Variants in TMEM67 observed in about 807,000 individuals in gnomAD.
TMEM67 encodes the protein transmembrane protein 67.
A neutral mutation model predicts 136.6 loss-of-function variants in TMEM67; 124 were observed. That is an observed-to-expected ratio of 0.91 (90% CI 0.78 to 1.05). The LOEUF (loss-of-function observed/expected upper bound fraction) is 1.05. Among genes scored for constraint, TMEM67 ranks in the 50% least tolerant of loss-of-function variants. TMEM67 has a pLI of 0.00. For missense variants in TMEM67, 1,107 were observed against 1,178.4 expected, an observed-to-expected ratio of 0.94 and a Z score of 0.89; for synonymous variants, 364 against 390.5, an observed-to-expected ratio of 0.93 and a Z score of 0.80.
chr8:93,765,719 T>C (rs1813055420), intron 6 of TMEM67, 73 bp downstream of exon 6: 1 of 975,342 alleles, frequency 1.0e-6, no homozygotes, highest in African/African-American at 1.6e-5. Flanking sequence ...AATTTCAGGC[T>C]AGAATGAGAA....
chr8:93,803,487 T>C, intron 21 of TMEM67, 117 bp from the exon 22 acceptor site: 1 of 656,994 alleles, frequency 1.5e-6, no homozygotes, highest in Non-Finnish European at 2.8e-6. Flanking sequence ...ATAGGAACTG[T>C]TAAAGGCCAC....
chr8:93,814,202 C>A (rs901001155), intron 26 of TMEM67, among the ~76,000 whole-genome samples: 1 of 143,494 alleles, frequency 7.0e-6, no homozygotes, highest in Non-Finnish European at 1.5e-5. Context: ...TGCAGTGGCA[C>A]GATCTCGGCT....
At chr8:93,831,081 G>A in the TMEM67 span, among the ~76,000 whole-genome samples, 14 of 152,246 alleles carry the variant, frequency 9.2e-5, 1 homozygote, top group South Asian at 2.3e-3. Context: ...TCACATGTTC[G>A]GTGCTCCCAC....
At chr8:93,821,409 G>A (rs1303096147), downstream of TMEM67, among the ~76,000 whole-genome samples, 1 of 152,156 alleles carries the variant, frequency 6.6e-6, no homozygotes, top group Non-Finnish European at 1.5e-5. Flanking sequence ...AGCCTCCAGA[G>A]TAGTTGGGAT....
the TMEM67 span, among the ~76,000 whole-genome samples, chr8:93,827,501 G>A: frequency 1.3e-5 from 2 of 151,898 alleles, no homozygotes; most frequent in Admixed American, 6.6e-5. Context: ...GGTGGCAAGC[G>A]ATCCTCCTGC....
At chr8:93,825,536 T>C in the TMEM67 span, among the ~76,000 whole-genome samples, 1 of 152,188 alleles carries the variant, frequency 6.6e-6, no homozygotes, top group Admixed American at 6.5e-5. Flanking sequence ...CGGTGAAGGA[T>C]GCTGAGATGC....
chr8:93,793,877 T>C (rs1331742676), intron 16 of TMEM67, among the ~76,000 whole-genome samples: 1 of 152,076 alleles, frequency 6.6e-6, no homozygotes, highest in Non-Finnish European at 1.5e-5. Flanking sequence ...GTTTTTGTTT[T>C]CATTTTTGTT....
At chr8:93,824,696 A>G in the TMEM67 span, among the ~76,000 whole-genome samples, 1 of 151,880 alleles carries the variant, frequency 6.6e-6, no homozygotes, top group African/African-American at 2.4e-5. Context: ...TCCCACCTCT[A>G]TGAGTCTCTT....
chr8:93,785,436 C>T (rs1425270438), intron 12 of TMEM67, 58 bp downstream of exon 12: 6 of 1,520,634 alleles, frequency 3.9e-6, no homozygotes, highest in Non-Finnish European at 5.5e-6. Context: ...AATAAGTTAA[C>T]CTACATGATA....
At chr8:93,805,799 G>C (rs1260858217) in intron 23 of TMEM67, among the ~76,000 whole-genome samples, 1 of 152,182 alleles carries the variant, frequency 6.6e-6, no homozygotes, top group Non-Finnish European at 1.5e-5. Flanking sequence ...ATTGATGAAT[G>C]TAAGCTGCCA....
chr8:93,782,179 G>A (rs931212012), intron 10 of TMEM67, among the ~76,000 whole-genome samples: 9 of 152,204 alleles, frequency 5.9e-5, no homozygotes, highest in African/African-American at 2.2e-4. Context: ...CTCCCAAAGC[G>A]CTGGGATTGC....
At chr8:93,792,560 C>A (rs1473100897) in intron 15 of TMEM67, among the ~76,000 whole-genome samples, 1 of 152,098 alleles carries the variant, frequency 6.6e-6, no homozygotes, top group African/African-American at 2.4e-5. Context: ...TTTTCTGTTT[C>A]CCTAATTACT....
chr8:93,798,687 C>A (rs1225546465), intron 20 of TMEM67, among the ~76,000 whole-genome samples: 1 of 152,102 alleles, frequency 6.6e-6, no homozygotes, highest in Non-Finnish European at 1.5e-5. Flanking sequence ...TCTTTCCATT[C>A]TCTTTCCCCT....
At chr8:93,781,006 A>G (rs764606753) in intron 9 of TMEM67, 24 bp downstream of exon 9, 5 of 1,333,782 alleles carry the variant, frequency 3.7e-6, no homozygotes, top group African/African-American at 2.9e-5. Context: ...ATATCATTAG[A>G]GGATAACTAC....
intron 3 of TMEM67, chr8:93,758,952 T>C (rs1812699252): frequency 6.2e-6 from 1 of 160,432 alleles, no homozygotes; most frequent in African/African-American, 2.4e-5. Flanking sequence ...ACTTAAAACA[T>C]CAGCAGGCAT....
rs372069168 is a variant in TMEM67 at position 93,780,055 on chromosome 8, T to G, written c.715-538T>G. 4.6e-5 allele frequency among the ~76,000 whole-genome samples: 7 copies of G among 152,128 alleles called. No individual in the cohort carries two copies. The East Asian group carries it at 5.8e-4, about 13-fold the overall frequency. ...CCAGTTGGAGCTTCCCCGGCTGCTTTGTTTTCCTACTCAAGCCTCAGCAAT... is the reference window on the plus strand; with the variant it reads ...CCAGTTGGAGCTTCCCCGGCTGCTTGGTTTTCCTACTCAAGCCTCAGCAAT... On this transcript the variant is annotated intron_variant, in intron 7 of 27. Coordinates refer to ENST00000453321, the MANE Select transcript of TMEM67 (RefSeq NM_153704.6).
chr8:93,786,218 A>T lies in TMEM67; in HGVS notation c.1289-5A>T, dbSNP rs1586051047. 6.2e-7 allele frequency: 1 copy of T among 1,613,414 alleles called. No homozygotes were observed. The highest frequency in any genetic ancestry group is 2.2e-5 in the East Asian group (1 of 44,856). On this transcript the variant is annotated splice_region_variant and splice_polypyrimidine_tract_variant and intron_variant, in intron 12 of 27. Transcript: ENST00000453321. ...CAGTAAACTTTTTTCTTTTTATAAT[A>T]AAAGACAGCAACTCTGGAAAGTGGC...
At chr8:93,823,397 G>A (rs114326433), downstream of TMEM67, among the ~76,000 whole-genome samples, 892 of 152,112 alleles carry the variant, frequency 5.9e-3, 7 homozygotes, top group African/African-American at 0.02. Context: ...TGGGGATTAG[G>A]ACCTGGATTT....
chr8:93,801,530 A>G (rs1038005873), intron 21 of TMEM67, among the ~76,000 whole-genome samples: 1 of 151,482 alleles, frequency 6.6e-6, no homozygotes, highest in Non-Finnish European at 1.5e-5. Context: ...GCCTCCCAAG[A>G]AGCTGGGATT....
Sources: gnomAD v4.1 joint callset for allele counts (sites outside exome capture counted in the v4.1 genomes callset) on GRCh38, gnomAD v4.1.1 for gene constraint, MANE v1.5 for transcripts, NCBI Gene and HGNC (gene_info 2026-07-23, HGNC 2026-07-21) for gene names.